CD8B2: variants seen among roughly 807,000 people sequenced by gnomAD.
The protein encoded by CD8B2 is CD8B family member 2, also known as T-cell surface glycoprotein CD8 beta-2 chain.
In CD8B2, 11 loss-of-function variants were observed where a neutral mutation model predicts 23.7. The observed-to-expected ratio is 0.46, with a 90% confidence interval of 0.29 to 0.77. CD8B2 has a LOEUF of 0.77. Ranked by LOEUF, CD8B2 falls within the 30% of genes least tolerant of loss-of-function variation. The pLI is 0.09. For synonymous variants in CD8B2, 90 were observed against 109.3 expected, an observed-to-expected ratio of 0.82 and a Z score of 1.10; for missense variants, 197 against 270.5, an observed-to-expected ratio of 0.73 and a Z score of 1.91.
chr2:106,488,518 C>T (rs973529334), intron 1 of CD8B2, among the ~76,000 whole-genome samples: 22 of 152,240 alleles, frequency 1.4e-4, no homozygotes, highest in African/African-American at 4.6e-4. Context: ...TTACAGGAGT[C>T]GCTTCTGGGT....
At chr2:106,544,205 A>C (rs890266827) in exon 6 of CD8B2, 1 of 397,104 alleles carries the variant, frequency 2.5e-6, no homozygotes, top group African/African-American at 2.1e-5. Flanking sequence ...GTTGTAAAAA[A>C]GTTACCAACA....
intron 5 of CD8B2, among the ~76,000 whole-genome samples, chr2:106,519,593 C>T (rs1385269616): frequency 6.6e-6 from 1 of 152,108 alleles, no homozygotes; most frequent in Admixed American, 6.5e-5. Context: ...TGACGAAGAC[C>T]ATGCTCTGAA....
intron 5 of CD8B2, among the ~76,000 whole-genome samples, chr2:106,523,943 G>A (rs1356207333): frequency 6.6e-6 from 1 of 152,224 alleles, no homozygotes; most frequent in Non-Finnish European, 1.5e-5. Flanking sequence ...ATTAGGTAAT[G>A]TAACTTTCAA....
chr2:106,491,558 T>A (rs933160671), intron 2 of CD8B2, among the ~76,000 whole-genome samples: 2 of 151,986 alleles, frequency 1.3e-5, no homozygotes, highest in Non-Finnish European at 2.9e-5. Flanking sequence ...TATTTATTTA[T>A]TTTTTTTGAG....
rs1266988280 is a variant in CD8B2, at chr2:106,508,732, A to C, written c.*1792A>C. 2.6e-5 allele frequency: 4 copies of C among 152,126 alleles called. No individual in the cohort carries two copies. Among genetic ancestry groups the C allele is most frequent in the Non-Finnish European group, 4.4e-5 (3 of 68,012 alleles). The allele number at this position is 152,126 out of a possible 1,614,324, so 9.4% of individuals were successfully genotyped here. A position where few individuals can be genotyped will look rare whatever the true frequency, so the allele number is the denominator to read the frequency against. On this transcript the variant is annotated 3_prime_UTR_variant, in exon 6 of 6. Transcript: ENST00000643224. ...GAAGGATTTGGTCCATGGCTAATGA[A>C]AGGCTGAGGTGAATTGACGCCCTAT...
chr2:106,494,125 CT>C (rs931195916), intron 2 of CD8B2, among the ~76,000 whole-genome samples: 39 of 151,880 alleles, frequency 2.6e-4, no homozygotes, highest in African/African-American at 8.7e-4. Context: ...TGGGCTTCCC[CT>C]GCCTGTTCCC....
At chr2:106,498,304 C>T (rs183907537) in intron 3 of CD8B2, among the ~76,000 whole-genome samples, 80 of 152,154 alleles carry the variant, frequency 5.3e-4, no homozygotes, top group African/African-American at 1.7e-3. Flanking sequence ...CCCACCACCA[C>T]GCTTGGCTAA....
exon 6 of CD8B2, chr2:106,544,002 T>G (rs1680214900): frequency 2.5e-6 from 1 of 398,572 alleles, no homozygotes; most frequent in Non-Finnish European, 4.4e-6. Flanking sequence ...ACCCAGATCT[T>G]GTGAACTGTT....
At chr2:106,543,994 C>G (rs62622831) in exon 6 of CD8B2, 20,936 of 398,566 alleles carry the variant, frequency 0.053, 695 homozygotes, top group Middle Eastern at 0.11. Context: ...TCTTCCAGAC[C>G]CAGATCTTGT....
At chr2:106,539,475 C>A (rs1381190817) in intron 5 of CD8B2, among the ~76,000 whole-genome samples, 12 of 152,120 alleles carry the variant, frequency 7.9e-5, no homozygotes, top group Non-Finnish European at 1.3e-4. Flanking sequence ...ACTTGGGACA[C>A]AATACCATGT....
At chr2:106,489,885 G>T (rs1679156954) in intron 1 of CD8B2, among the ~76,000 whole-genome samples, 1 of 152,158 alleles carries the variant, frequency 6.6e-6, no homozygotes, top group Non-Finnish European at 1.5e-5. Flanking sequence ...AGGTCTCACA[G>T]CTGGCACGGC....
chr2:106,495,498 C>T (rs916930505), intron 2 of CD8B2, among the ~76,000 whole-genome samples: 1 of 152,128 alleles, frequency 6.6e-6, no homozygotes, highest in Non-Finnish European at 1.5e-5. Context: ...GAGATCGTGC[C>T]ACTGCCCTCC....
intron 3 of CD8B2, among the ~76,000 whole-genome samples, chr2:106,499,157 T>C (rs568256823): frequency 6.6e-6 from 1 of 152,266 alleles, no homozygotes; most frequent in African/African-American, 2.4e-5. Flanking sequence ...CACAGTGGTC[T>C]TAACCATGAC....
In CD8B2 at chr2:106,535,559, C is replaced by G. The variant is rs140028362; in HGVS notation, c.621-8433C>G. 9.1e-4 allele frequency among the ~76,000 whole-genome samples: 138 copies of G among 152,122 alleles called. 2 individuals carry two copies. The East Asian group carries it at 0.025, about 28-fold the overall frequency. ...GTTTATAAAATAGAGAAAACATCAC[C>G]CGTAATTCCATCACCGTAATACAAT... On this transcript the variant is annotated intron_variant, in intron 5 of 5. Coordinates refer to the CD8B2 transcript ENST00000416057.
At chr2:106,492,926 A>G (rs1558874863) in intron 2 of CD8B2, among the ~76,000 whole-genome samples, 1 of 152,036 alleles carries the variant, frequency 6.6e-6, no homozygotes, top group South Asian at 2.1e-4. Context: ...GCTTTAGCTT[A>G]TTGTTTTTGT....
At chr2:106,495,393 G>A (rs1029058167) in intron 2 of CD8B2, among the ~76,000 whole-genome samples, 8 of 152,048 alleles carry the variant, frequency 5.3e-5, no homozygotes, top group African/African-American at 1.7e-4. Flanking sequence ...GCAGTGGCAC[G>A]ACGAATGCAG....
intron 5 of CD8B2, chr2:106,538,204 C>T (rs1050234525): frequency 7.9e-5 from 12 of 152,142 alleles, no homozygotes; most frequent in African/African-American, 2.9e-4. Flanking sequence ...CCAAATAACA[C>T]TTGCCAGTGA....
chr2:106,529,430 T>G (rs1461112723), intron 5 of CD8B2, among the ~76,000 whole-genome samples: 1 of 152,154 alleles, frequency 6.6e-6, no homozygotes, highest in Non-Finnish European at 1.5e-5. Context: ...CTCAGACCTA[T>G]CTCAAGTACC....
rs1372524685 is a variant in CD8B2 at position 106,487,433 on chromosome 2, C to T, written c.7C>T (p.Pro3Ser). The change falls in exon 1 of 6, where the codon CCG becomes TCG. Residue 3 changes from proline (P) to serine (S), a missense_variant. By Grantham distance (74) the Pro-to-Ser change is moderately conservative. Transcript: ENST00000643224. MR[P>S]RLWLLLAAQL... ...GTGTCCCGGGCGCGCCCCGATGCGG[C>T]CGCGGCTGTGGCTCCTCCTGGCCGC... is the stretch of plus-strand genomic sequence containing the variant. 3 of 1,247,194 alleles carry T rather than the reference C, an allele frequency of 2.4e-6. No homozygotes were observed. The highest frequency in any genetic ancestry group is 3.0e-6 in the Non-Finnish European group (3 of 997,114). 77.3% of individuals were successfully genotyped at this position (1,247,194 alleles called of 1,614,324 possible). A position where few individuals can be genotyped will look rare whatever the true frequency, so the allele number is the denominator to read the frequency against.
Sources: gnomAD v4.1 joint callset for allele counts (sites outside exome capture counted in the v4.1 genomes callset) on GRCh38, gnomAD v4.1.1 for gene constraint, MANE v1.5 for transcripts, NCBI Gene and HGNC (gene_info 2026-07-23, HGNC 2026-07-21) for gene names.